Variants in SHOC2 observed in about 807,000 individuals in gnomAD.
The protein encoded by SHOC2 is leucine-rich repeat protein SHOC-2.
A neutral mutation model predicts 50.2 loss-of-function variants in SHOC2; 4 were observed. The observed-to-expected ratio is 0.08, with a 90% CI of 0.04 to 0.18. SHOC2 has a LOEUF of 0.18. Ranked by LOEUF, SHOC2 falls within the 10% of genes least tolerant of loss-of-function variation. SHOC2 has a pLI of 1.00. For synonymous variants in SHOC2, 218 were observed against 244.5 expected, an observed-to-expected ratio of 0.89 and a Z score of 1.01; for missense variants, 388 against 669.6, an observed-to-expected ratio of 0.58 and a Z score of 4.64.
chr10:110,929,039 CATAAT>C (rs1287341384), intron 1 of SHOC2, among the ~76,000 whole-genome samples: 2 of 152,016 alleles, frequency 1.3e-5, no homozygotes, highest in Non-Finnish European at 2.9e-5. Flanking sequence ...ATATAAATAC[CATAAT>C]ATAACAACAA....
At chr10:110,949,711 A>G (rs1373586962) in intron 1 of SHOC2, among the ~76,000 whole-genome samples, 1 of 152,188 alleles carries the variant, frequency 6.6e-6, no homozygotes, top group Non-Finnish European at 1.5e-5. Flanking sequence ...GAATTCAGCA[A>G]CACATTAAAA....
rs146214439 is a variant in SHOC2, at chr10:110,942,818, T to A, written c.-234-21307T>A. 9.1e-3 allele frequency among the ~76,000 whole-genome samples: 1,382 copies of A among 152,330 alleles called. 19 individuals carry two copies. The highest frequency in any genetic ancestry group is 0.031 in the African/African-American group (1,308 of 41,574). On this transcript the variant is annotated intron_variant, in intron 1 of 8. Transcript: ENST00000369452. ...ACCTTCATTTTTGAAGGATAGTTTT[T>A]ATGGATATAGAATTCTTGTTAGACA...
At position 110,957,532 on chromosome 10, in the gene SHOC2, A is replaced by ACC. The variant is rs149911635; in HGVS notation, c.-234-6584_-234-6583dup. The stretch of plus-strand genomic sequence containing the variant: ...ACATCAGATTCTTAATCATGAAGAT[A>ACC]CCCCCCCCCCAGCCCACAATTTCCA... On this transcript the variant is annotated intron_variant, in intron 1 of 8. Coordinates refer to ENST00000369452, the MANE Select transcript of SHOC2 (RefSeq NM_007373.4). Among the ~76,000 whole-genome samples the ACC allele has an allele frequency of 7.1e-3, 911 of 128,394 alleles. 9 individuals carry two copies. The highest frequency in any genetic ancestry group is 0.023 in the African/African-American group (783 of 34,010). 84.2% of individuals were successfully genotyped at this position (128,394 alleles called of 152,430 possible).
intron 3 of SHOC2, among the ~76,000 whole-genome samples, chr10:110,989,904 T>C (rs941407566): frequency 8.5e-5 from 13 of 152,180 alleles, no homozygotes; most frequent in Non-Finnish European, 1.3e-4. Flanking sequence ...ATAGTAAATA[T>C]GTCACACAGT....
rs1302765704 is a variant in SHOC2 at position 111,012,757 on chromosome 10, TAGGTA to T, written c.*941_*945del. On this transcript the variant is annotated 3_prime_UTR_variant, in exon 9 of 9. Coordinates refer to ENST00000369452, the MANE Select transcript of SHOC2 (RefSeq NM_007373.4). ...GTATTTATTATATCATAAACTACAG[TAGGTA>T]ACTTTAAGGATTTCTTCCTATCCTT... 1.3e-5 allele frequency: 2 copies of T among 152,622 alleles called. No individual in the cohort carries two copies. The highest frequency in any genetic ancestry group is 2.9e-5 in the Non-Finnish European group (2 of 68,036). 9.5% of individuals were successfully genotyped at this position (152,622 alleles called of 1,614,324 possible). A position where few individuals can be genotyped will look rare whatever the true frequency, so the allele number is the denominator to read the frequency against.
rs182682990 is a variant in SHOC2, at chr10:110,973,274, G to A, written c.703+8213G>A. On this transcript the variant is annotated intron_variant, in intron 2 of 8. Coordinates refer to ENST00000369452, the MANE Select transcript of SHOC2 (RefSeq NM_007373.4). ...AAAAATATCCCTATAAAGAACAAGA[G>A]TTATTTTAGAATATAAGAATCCTAA... 1.2e-4 allele frequency among the ~76,000 whole-genome samples: 18 copies of A among 152,190 alleles called. 1 individual carries two copies. The East Asian group carries it at 3.1e-3, about 26-fold the overall frequency.
At chr10:110,957,468 A>G (rs1356790643) in intron 1 of SHOC2, among the ~76,000 whole-genome samples, 1 of 151,794 alleles carries the variant, frequency 6.6e-6, no homozygotes, top group African/African-American at 2.4e-5. Flanking sequence ...TGCCGCATGT[A>G]TATGTTTGTG....
chr10:110,965,704 A>G (rs543057387), intron 2 of SHOC2, among the ~76,000 whole-genome samples: 16 of 152,316 alleles, frequency 1.1e-4, no homozygotes, highest in African/African-American at 2.9e-4. Flanking sequence ...ACATAAAGCT[A>G]ACTTGTACTA....
At chr10:110,976,238 G>A (rs551445491) in intron 2 of SHOC2, among the ~76,000 whole-genome samples, 29 of 151,876 alleles carry the variant, frequency 1.9e-4, no homozygotes, top group Non-Finnish European at 3.8e-4. Context: ...CCCAAAGAAC[G>A]TCCGTTAACA....
intron 1 of SHOC2, among the ~76,000 whole-genome samples, chr10:110,949,690 A>T (rs184048819): frequency 7.9e-5 from 12 of 152,282 alleles, no homozygotes; most frequent in Admixed American, 7.8e-4. Context: ...TCAACAAAAT[A>T]CTACTAAACT....
At chr10:110,937,608 T>G (rs753442693) in intron 1 of SHOC2, among the ~76,000 whole-genome samples, 1 of 152,212 alleles carries the variant, frequency 6.6e-6, no homozygotes, top group Non-Finnish European at 1.5e-5. Context: ...GACCATACCA[T>G]CTTTCAAATT....
At chr10:110,962,122 T>C (rs1211591191) in intron 1 of SHOC2, among the ~76,000 whole-genome samples, 1 of 152,126 alleles carries the variant, frequency 6.6e-6, no homozygotes, top group Non-Finnish European at 1.5e-5. Flanking sequence ...CAAGTTTTCT[T>C]ACCTTTTAAT....
intron 2 of SHOC2, among the ~76,000 whole-genome samples, chr10:110,980,318 G>A (rs906326751): frequency 2.0e-5 from 3 of 151,896 alleles, no homozygotes; most frequent in African/African-American, 4.8e-5. Flanking sequence ...CACCATGCCC[G>A]GCTAATTTTT....
At chr10:110,941,224 G>A (rs1847137836) in intron 1 of SHOC2, among the ~76,000 whole-genome samples, 1 of 151,812 alleles carries the variant, frequency 6.6e-6, no homozygotes, top group African/African-American at 2.4e-5. Context: ...ATTGATTAAT[G>A]ATACTGAACA....
chr10:110,966,325 G>A (rs1377597655), intron 2 of SHOC2, among the ~76,000 whole-genome samples: 1 of 151,968 alleles, frequency 6.6e-6, no homozygotes, highest in Non-Finnish European at 1.5e-5. Flanking sequence ...GGAATTTCTG[G>A]GTGAAAATGT....
chr10:110,971,488 G>T (rs1265233896), intron 2 of SHOC2, among the ~76,000 whole-genome samples: 2 of 152,016 alleles, frequency 1.3e-5, no homozygotes, highest in Non-Finnish European at 2.9e-5. Context: ...GTAGTGTGAT[G>T]CCTCCAATTT....
intron 2 of SHOC2, among the ~76,000 whole-genome samples, chr10:110,978,671 C>G (rs937933345): frequency 6.6e-6 from 1 of 152,324 alleles, no homozygotes; most frequent in Middle Eastern, 3.4e-3. Context: ...TCCTTGCAGT[C>G]TCCTCTCCCA....
At chr10:110,990,081 A>C (rs1017363117) in intron 3 of SHOC2, among the ~76,000 whole-genome samples, 5 of 152,270 alleles carry the variant, frequency 3.3e-5, no homozygotes, top group African/African-American at 1.2e-4. Context: ...ACTTTCAAAA[A>C]ATGACTTTAT....
rs760159645 is a variant in SHOC2, at chr10:110,956,808, A to C, written c.-234-7317A>C. Reference sequence around the variant, plus strand: ...AAATAAATGATTGGGCCCTAGGAAAAATCCTTTTTTTTTTTAAATAACAAA... The same window carrying C: ...AAATAAATGATTGGGCCCTAGGAAACATCCTTTTTTTTTTTAAATAACAAA... On this transcript the variant is annotated intron_variant, in intron 1 of 8. Transcript: ENST00000369452. 5.3e-5 allele frequency among the ~76,000 whole-genome samples: 8 copies of C among 152,100 alleles called. No individual in the cohort carries two copies. In the East Asian group the frequency reaches 1.5e-3, roughly 29 times the overall value.
Sources: allele counts gnomAD v4.1 joint callset (sites outside exome capture counted in the v4.1 genomes callset), GRCh38; gene constraint gnomAD v4.1.1; transcripts MANE v1.5; gene names NCBI Gene and HGNC (gene_info 2026-07-23, HGNC 2026-07-21).